ACBD5: variants seen among roughly 807,000 people sequenced by gnomAD.
The protein encoded by ACBD5 is acyl-CoA binding domain containing 5, also known as acyl-CoA-binding domain-containing protein 5.
A neutral mutation model predicts 71.8 loss-of-function variants in ACBD5; 40 were observed. The ratio of observed to expected loss-of-function variants is 0.56; its 90% confidence interval spans 0.43 to 0.72. The LOEUF is 0.72. Among genes scored for constraint, ACBD5 ranks in the 30% least tolerant of loss-of-function variants. ACBD5 has a pLI of 0.00. For missense variants in ACBD5, 559 were observed against 644.5 expected (o/e 0.87, Z 1.44); for synonymous variants, 229 against 218.6 (o/e 1.05, Z -0.42).
chr10:27,226,607 A>G (rs1183565740), intron 4 of ACBD5, among the ~76,000 whole-genome samples: 1 of 151,588 alleles, frequency 6.6e-6, no homozygotes, highest in East Asian at 1.9e-4. Flanking sequence ...AGACGGCTTT[A>G]AATACCCAAC....
At chr10:27,194,887 T>C (rs1390535821), downstream of ACBD5, among the ~76,000 whole-genome samples, 2 of 149,230 alleles carry the variant, frequency 1.3e-5, no homozygotes, top group Non-Finnish European at 3.0e-5. Context: ...TCCCAGCTAC[T>C]CGGGAGGCTG....
rs762065944 is a variant in ACBD5, at chr10:27,218,086, A to C, written c.723T>G (p.Asn241Lys). The part of the protein sequence containing the change: ...DKDGFVQDIQ[N>K]DIHASSSLNG... ...TCAGGGAAGAACTGGCATGAATGTCATTCTGTATATCCTGAACAAAGCCAT... is the reference window on the plus strand; with the variant it reads ...TCAGGGAAGAACTGGCATGAATGTCCTTCTGTATATCCTGAACAAAGCCAT... The change falls in exon 7 of 13, where the codon AAT becomes AAG. Residue 241 changes from asparagine to lysine, a missense_variant. Coordinates refer to ENST00000396271, the MANE Select transcript of ACBD5 (RefSeq NM_145698.5). The C allele has an allele frequency of 1.9e-6, 3 of 1,614,134 alleles. No individual in the cohort carries two copies. The highest frequency in any genetic ancestry group is 1.1e-5 in the South Asian group (1 of 91,088).
Position 27,195,888 on chromosome 10 carries a change from C to A in ACBD5, c.*1542G>T. ...ATATGATGTTAAACCCAACATCATA[C>A]ATCTTGAGAATGCTTAAAAATTATT... On this transcript the variant is annotated 3_prime_UTR_variant, in exon 13 of 13. Coordinates refer to ENST00000396271, the MANE Select transcript of ACBD5 (RefSeq NM_145698.5). 2.2e-6 allele frequency: 1 copy of A among 453,582 alleles called. No homozygotes were observed. Among genetic ancestry groups the A allele is most frequent in the Non-Finnish European group, 4.4e-6 (1 of 226,660 alleles). 28.1% of individuals were successfully genotyped at this position (453,582 alleles called of 1,614,324 possible).
At position 27,184,047 on chromosome 10, in the gene ACBD5, G is replaced by A. The variant is rs183025111; in HGVS notation, c.1494-1332C>T. On this transcript the variant is annotated intron_variant, in intron 13 of 13. Transcript: ENST00000676511. ...ACTCACTGATTTAACCAATCCTATAGAGTGCCTTCTAGGAGCTAGGTGATA... is the reference window on the plus strand; with the variant it reads ...ACTCACTGATTTAACCAATCCTATAAAGTGCCTTCTAGGAGCTAGGTGATA... Among the ~76,000 whole-genome samples the A allele has an allele frequency of 2.8e-3, 426 of 152,184 alleles. 2 individuals are homozygous for A. The highest frequency in any genetic ancestry group is 4.7e-3 in the Non-Finnish European group (318 of 67,986).
intron 13 of ACBD5, chr10:27,186,890 A>T (rs1044695820): frequency 1.1e-5 from 3 of 273,880 alleles, no homozygotes; most frequent in Non-Finnish European, 2.1e-5. Flanking sequence ...TCAGTTTAGC[A>T]TTAAAATAAT....
chr10:27,221,990 A>G (rs1010848986), intron 5 of ACBD5, among the ~76,000 whole-genome samples: 3 of 151,824 alleles, frequency 2.0e-5, no homozygotes, highest in Non-Finnish European at 4.4e-5. Flanking sequence ...AGCATGCCTT[A>G]TAAGAAGGAC....
chr10:27,194,841 C>T (rs2059251685), downstream of ACBD5, among the ~76,000 whole-genome samples: 1 of 150,728 alleles, frequency 6.6e-6, no homozygotes, highest in South Asian at 2.1e-4. Context: ...ACTAAAAATA[C>T]AAAAATTAGC....
intron 2 of ACBD5, among the ~76,000 whole-genome samples, chr10:27,236,962 C>A (rs1020736286): frequency 2.7e-5 from 4 of 150,722 alleles, no homozygotes; most frequent in Admixed American, 6.6e-5. Flanking sequence ...TCAGGTTTGG[C>A]CGAGAGTGCA....
intron 7 of ACBD5, 127 bp from the exon 8 acceptor site, chr10:27,215,768 C>T (rs752159997): frequency 1.7e-4 from 112 of 657,144 alleles, no homozygotes; most frequent in Admixed American, 8.5e-5. Flanking sequence ...GGTGTGATCT[C>T]GGCTCACTGC....
Position 27,186,633 on chromosome 10 carries a change from A to G in ACBD5, c.1494-3918T>C, listed in dbSNP as rs778521193. 15 of 1,139,996 alleles carry G rather than the reference A, an allele frequency of 1.3e-5. No individual in the cohort carries two copies. The Admixed American group carries it at 1.4e-4, about 10-fold the overall frequency. The allele number at this position is 1,139,996 out of a possible 1,614,324, so 70.6% of individuals were successfully genotyped here. On this transcript the variant is annotated intron_variant, in intron 13 of 13. Transcript: ENST00000676511. ...TAGATTGATCTAAGGGGGAAAGATC[A>G]TTATTTAACCTAGTTCAATGTGCTT...
intron 8 of ACBD5, among the ~76,000 whole-genome samples, chr10:27,214,405 G>C (rs999341652): frequency 6.6e-6 from 1 of 151,678 alleles, no homozygotes; most frequent in Admixed American, 6.6e-5. Context: ...GTGGAGATGG[G>C]GGTCTCGCCT....
chr10:27,185,686 G>A (rs945786722), intron 13 of ACBD5, among the ~76,000 whole-genome samples: 2 of 151,630 alleles, frequency 1.3e-5, no homozygotes, highest in African/African-American at 4.9e-5. Flanking sequence ...TACTTGGGAG[G>A]CTGAGGCACG....
chr10:27,240,908 G>A (rs2065424908), upstream of ACBD5: 1 of 650,228 alleles, frequency 1.5e-6, no homozygotes, highest in Non-Finnish European at 2.6e-6. This position sits in a 1 kb window ranked among gnomAD's most constrained non-coding sequence, Gnocchi z 4.1. Context: ...ACCCGCCGCC[G>A]CGGCAAGGAC....
At chr10:27,189,223 T>A (rs1159302917) in intron 13 of ACBD5, among the ~76,000 whole-genome samples, 1 of 152,218 alleles carries the variant, frequency 6.6e-6, no homozygotes, top group Non-Finnish European at 1.5e-5. Flanking sequence ...ACAAATGTAT[T>A]GTTCTTTGTT....
At chr10:27,214,765 G>A (rs1005813843) in intron 8 of ACBD5, among the ~76,000 whole-genome samples, 1 of 152,280 alleles carries the variant, frequency 6.6e-6, no homozygotes, top group East Asian at 1.9e-4. Context: ...AATTATTCAG[G>A]CCAGCCTTGG....
chr10:27,186,421 A>C, intron 13 of ACBD5: 1 of 1,614,156 alleles, frequency 6.2e-7, no homozygotes, highest in Non-Finnish European at 8.5e-7. Context: ...GACTGGGAAA[A>C]TCTGCAGCAT....
chr10:27,234,491 T>TAA (rs57102773), intron 3 of ACBD5, among the ~76,000 whole-genome samples: 163 of 135,924 alleles, frequency 1.2e-3, no homozygotes, highest in Middle Eastern at 3.9e-3. Flanking sequence ...GCTCTTGCCT[T>TAA]AAAAAAAAAA....
chr10:27,194,978 G>C (rs1369474795), downstream of ACBD5, among the ~76,000 whole-genome samples: 2 of 152,142 alleles, frequency 1.3e-5, no homozygotes. Context: ...CCTGGCAACA[G>C]AGCGAGACTC....
intron 11 of ACBD5, 41 bp downstream of exon 11, chr10:27,205,157 T>C (rs113706856): frequency 1.2e-5 from 19 of 1,583,424 alleles, no homozygotes; most frequent in Non-Finnish European, 1.6e-5. Flanking sequence ...ACAAAAAACA[T>C]ATGAAACCCT....
Sources: allele counts gnomAD v4.1 joint callset (sites outside exome capture counted in the v4.1 genomes callset), GRCh38; gene constraint gnomAD v4.1.1; non-coding constraint Gnocchi (gnomAD v3.1); transcripts MANE v1.5; gene names NCBI Gene and HGNC (gene_info 2026-07-23, HGNC 2026-07-21).